The following SZT2 variants were observed in gnomAD, a reference collection of about 807,000 sequenced individuals.
SZT2 encodes the protein SZT2 subunit of KICSTOR complex.
Under a neutral mutation model 404.2 loss-of-function variants are expected in SZT2, and 216 were observed. The observed-to-expected ratio is 0.53, with a 90% CI of 0.48 to 0.60. The LOEUF is 0.60. Ranked by LOEUF, SZT2 falls within the 20% of genes least tolerant of loss-of-function variation. The pLI is 0.00. For missense variants in SZT2, 3,857 were observed against 4,459.2 expected (o/e 0.86, Z 3.85); for synonymous variants, 1,693 against 1,749.9 (o/e 0.97, Z 0.81).
chr1:43,404,157 G>A, intron 3 of SZT2: 1 of 547,550 alleles, frequency 1.8e-6, no homozygotes, highest in South Asian at 2.6e-5. Flanking sequence ...CAGTGAGCCG[G>A]GATCAGGCCA....
At position 43,404,449 on chromosome 1, in the gene SZT2, C is replaced by T; in HGVS notation, c.397C>T (p.Leu133Phe). The change falls in exon 4 of 72, where the codon CTT becomes TTT. Residue 133 changes from leucine to phenylalanine, a missense_variant. This residue lies in a region of SZT2 where 536 missense variants were observed against 637.4 expected (regional missense o/e 0.84). Coordinates refer to ENST00000634258, the MANE Select transcript of SZT2 (RefSeq NM_001365999.1). The stretch of plus-strand genomic sequence containing the variant: ...CCTGTCCCGCTGCTTAGGCGGGCTG[C>T]TTCGGCCCTTCCGAGTGCCTGGATC... ...HALSRCLGGL[L>F]RPFRVPGSCI... is the part of the protein sequence containing the mutation. The T allele has an allele frequency of 3.7e-6, 6 of 1,614,064 alleles. No homozygotes were observed. Among genetic ancestry groups the T allele is most frequent in the Non-Finnish European group, 5.1e-6 (6 of 1,180,018 alleles).
rs370930821 is a variant in SZT2, at chr1:43,422,038, G to C, written c.1627-45G>C. The C allele has an allele frequency of 6.4e-4, 988 of 1,554,330 alleles. 1 individual carries two copies. Among genetic ancestry groups the C allele is most frequent in the Admixed American group, 9.8e-4 (57 of 58,124 alleles). The stretch of plus-strand genomic sequence containing the variant: ...GTTTGCTCTTTGGAGTTTGTACCCT[G>C]GTCCTCTGCAAATGCTCCTATAGTG... On this transcript the variant is annotated intron_variant, in intron 11 of 71. Transcript: ENST00000634258.
Position 43,427,069 on chromosome 1 carries a change from C to T in SZT2, c.3323C>T (p.Pro1108Leu), listed in dbSNP as rs1272246942. 6.2e-7 allele frequency: 1 copy of T among 1,613,754 alleles called. No individual in the cohort carries two copies. Among genetic ancestry groups the T allele is most frequent in the Non-Finnish European group, 8.5e-7 (1 of 1,179,878 alleles). ...SAFTSLSVGLPETLKPLISAQ... is the reference protein window; with the variant it reads ...SAFTSLSVGLLETLKPLISAQ... ...TTTCTCTTACAGAGTGTAGGTCTTC[C>T]TGAAACTCTCAAGCCTCTCATCTCT... The change falls in exon 24 of 72, where the codon CCT becomes CTT. Residue 1108 changes from proline (P) to leucine (L), a missense_variant. Pro to Leu is a moderately conservative substitution (Grantham distance 98). Transcript: ENST00000634258.
Position 43,439,603 on chromosome 1 carries a change from AG to A in SZT2, c.6880del. ...TGAGCCTTCCTATGGATTTCTACCC[AG>A]GGGTTGCCTGCATCACTCTAGCCTT... On this transcript the variant is annotated splice_acceptor_variant, in intron 49 of 71. Coordinates refer to ENST00000634258, the MANE Select transcript of SZT2 (RefSeq NM_001365999.1). LOFTEE classifies it high-confidence loss of function. This position sits in a 1 kb window ranked among gnomAD's most constrained non-coding sequence, Gnocchi z 4.2. The A allele has an allele frequency of 6.2e-7, 1 of 1,613,894 alleles. No homozygotes were observed. Among genetic ancestry groups the A allele is most frequent in the Non-Finnish European group, 8.5e-7 (1 of 1,179,862 alleles).
chr1:43,453,626 C>A lies in SZT2; in HGVS notation c.*3146C>A. 1 of 1,496,174 alleles carries A rather than the reference C, an allele frequency of 6.7e-7. No homozygotes were observed. Among genetic ancestry groups the A allele is most frequent in the East Asian group, 2.8e-5 (1 of 35,790 alleles). 92.7% of individuals were successfully genotyped at this position (1,496,174 alleles called of 1,614,324 possible). A position where few individuals can be genotyped will look rare whatever the true frequency, so the allele number is the denominator to read the frequency against. ...GCGTGTTGATCAGTACAAGCCGCAG[C>A]CCCGCTTCTCGCGCGGCGCGCGCCA... is the stretch of plus-strand genomic sequence containing the variant. On this transcript the variant is annotated 3_prime_UTR_variant, in exon 72 of 72. Coordinates refer to ENST00000634258, the MANE Select transcript of SZT2 (RefSeq NM_001365999.1).
At chr1:43,406,966 AACAG>A (rs1440180480) in intron 4 of SZT2, 1 of 152,244 alleles carries the variant, frequency 6.6e-6, no homozygotes, top group Admixed American at 6.5e-5. Flanking sequence ...GAAAATTTTA[AACAG>A]ACAGTAACAG....
In SZT2 at chr1:43,448,403, G is replaced by C. The variant is rs761122370; in HGVS notation, c.9888G>C (p.Gly3296=). The change falls in exon 69 of 72, where the codon GGG becomes GGC. Residue 3296 remains glycine, a synonymous_variant. Coordinates refer to ENST00000634258, the MANE Select transcript of SZT2 (RefSeq NM_001365999.1). This position sits in a 1 kb window ranked among gnomAD's most constrained non-coding sequence, Gnocchi z 4.2. Reference sequence around the variant, plus strand: ...CGGGGCCTGATCGACTGCGGCTAGGGGGGCGCCTGGCCCTGGCAGAGCTGG... The same window carrying C: ...CGGGGCCTGATCGACTGCGGCTAGGCGGGCGCCTGGCCCTGGCAGAGCTGG... ...EPPGPDRLRL[G]GRLALAELEE... is the part of the protein sequence containing the mutation. 1 of 1,580,700 alleles carries C rather than the reference G, an allele frequency of 6.3e-7. No homozygotes were observed. The highest frequency in any genetic ancestry group is 1.1e-5 in the South Asian group (1 of 87,862).
In SZT2 at chr1:43,451,230, G is replaced by GAAC. The variant is rs774552663; in HGVS notation, c.*750_*751insAAC. ...CTGTCTGGAGGCACGTGGGTGGTGT[G>GAAC]CGGGCCCTCACTGGCCAGCCTCTGG... On this transcript the variant is annotated 3_prime_UTR_variant, in exon 72 of 72. Transcript: ENST00000634258. 3 of 1,613,638 alleles carry GAAC rather than the reference G, an allele frequency of 1.9e-6. No individual in the cohort carries two copies. Among genetic ancestry groups the GAAC allele is most frequent in the Non-Finnish European group, 2.5e-6 (3 of 1,179,790 alleles).
rs1252006518 is a variant in SZT2 at position 43,429,826 on chromosome 1, C to A, written c.4290C>A (p.Ala1430=). 11 of 1,614,034 alleles carry A rather than the reference C, an allele frequency of 6.8e-6. No homozygotes were observed. The highest frequency in any genetic ancestry group is 3.3e-4 in the Middle Eastern group (2 of 6,084). The change falls in exon 29 of 72, where the codon GCC becomes GCA. Residue 1430 remains alanine, a synonymous_variant. Transcript: ENST00000634258. ...VCQLRGEAHG[A]LHSVIQEKFL... ...AGCTCAGAGGAGAGGCCCATGGTGC[C>A]CTTCATAGCGTCATCCAGGTGGGAA...
chr1:43,425,795 A>G lies in SZT2; in HGVS notation c.2815-40A>G. 2 of 1,603,236 alleles carry G rather than the reference A, an allele frequency of 1.2e-6. No homozygotes were observed. Among genetic ancestry groups the G allele is most frequent in the Non-Finnish European group, 1.7e-6 (2 of 1,170,940 alleles). On this transcript the variant is annotated intron_variant, in intron 19 of 71. Transcript: ENST00000634258. The surrounding 1 kb of genome is among the most constrained non-coding windows in gnomAD (Gnocchi z 4.3). ...GCTGGAACCCAGGGTATCCTGGGCTAAGAGGGGTTGACTCCTGACCTCTGA... is the reference window on the plus strand; with the variant it reads ...GCTGGAACCCAGGGTATCCTGGGCTGAGAGGGGTTGACTCCTGACCTCTGA...
Position 43,452,424 on chromosome 1 carries a change from G to T in SZT2, c.*1944G>T. 1.1e-6 allele frequency: 1 copy of T among 883,760 alleles called. No homozygotes were observed. The highest frequency in any genetic ancestry group is 1.9e-6 in the Non-Finnish European group (1 of 537,122). The allele number at this position is 883,760 out of a possible 1,614,324, so 54.7% of individuals were successfully genotyped here. ...CCTCGTCCGTCTCCCCAGGTCTCCA[G>T]TCCATGGCACCTGGGTCACGATGCC... On this transcript the variant is annotated 3_prime_UTR_variant, in exon 72 of 72. Transcript: ENST00000634258.
At chr1:43,422,246 GC>G in intron 12 of SZT2, 21 bp downstream of exon 12, 1 of 1,561,548 alleles carries the variant, frequency 6.4e-7, no homozygotes, top group Non-Finnish European at 8.7e-7. Context: ...TTAGGGCTGG[GC>G]CATAGTTGGG....
rs1238341123 is a variant in SZT2 at position 43,453,498 on chromosome 1, C to G, written c.*3018C>G. ...CCCATTTCCCCCTTCTCTTGGTCTC[C>G]TGCAGAGAGAACGGGCCTCAGCCCC... On this transcript the variant is annotated 3_prime_UTR_variant, in exon 72 of 72. Coordinates refer to ENST00000634258, the MANE Select transcript of SZT2 (RefSeq NM_001365999.1). 4.5e-6 allele frequency: 7 copies of G among 1,550,674 alleles called. No homozygotes were observed. The South Asian group carries it at 8.3e-5, about 18-fold the overall frequency.
chr1:43,453,455 C>T lies in SZT2; in HGVS notation c.*2975C>T, dbSNP rs747888724. On this transcript the variant is annotated 3_prime_UTR_variant, in exon 72 of 72. Transcript: ENST00000634258. ...TCCCTCTCGGAAGGCCGCCTGTCTC[C>T]CGGGGACGGCCCCCAGCCCCATTTC... 4 of 1,563,692 alleles carry T rather than the reference C, an allele frequency of 2.6e-6. No homozygotes were observed. The highest frequency in any genetic ancestry group is 3.5e-6 in the Non-Finnish European group (4 of 1,153,002).
intron 29 of SZT2, 39 bp from the exon 30 acceptor site, chr1:43,429,972 G>T: frequency 6.2e-7 from 1 of 1,613,416 alleles, no homozygotes; most frequent in Non-Finnish European, 8.5e-7. Flanking sequence ...CTGTTGAGGG[G>T]TGACTGACAT....
intron 1 of SZT2, among the ~76,000 whole-genome samples, chr1:43,390,358 T>C (rs1181322142): frequency 6.6e-6 from 1 of 152,260 alleles, no homozygotes; most frequent in Non-Finnish European, 1.5e-5. Flanking sequence ...TGCATTTCTT[T>C]AGGCATTGGA....
In SZT2 at chr1:43,424,936, G is replaced by A; in HGVS notation, c.2550+74G>A. The stretch of plus-strand genomic sequence containing the variant: ...CCAGGGACACTCACCTCTGAGCTGG[G>A]TTGGGACTGCTGGAAACTGCCTCAC... On this transcript the variant is annotated intron_variant, in intron 17 of 71. Transcript: ENST00000634258. This position sits in a 1 kb window ranked among gnomAD's most constrained non-coding sequence, Gnocchi z 4.1. The A allele has an allele frequency of 6.4e-7, 1 of 1,553,600 alleles. No homozygotes were observed. Among genetic ancestry groups the A allele is most frequent in the East Asian group, 2.3e-5 (1 of 44,436 alleles).
In SZT2 at chr1:43,391,889, G is replaced by GA. The variant is rs1300665576; in HGVS notation, c.27+1894_27+1895insA. Reference sequence around the variant, plus strand: ...GAGGTCAGGAGATCGAGACCATCCTGGCTAAAACGGTGAAACCCTGTCTCT... The same window carrying GA: ...GAGGTCAGGAGATCGAGACCATCCTGAGCTAAAACGGTGAAACCCTGTCTCT... On this transcript the variant is annotated intron_variant, in intron 1 of 71. Transcript: ENST00000634258. 4.6e-3 allele frequency among the ~76,000 whole-genome samples: 107 copies of GA among 23,168 alleles called. 47 individuals are homozygous for GA. Among genetic ancestry groups the GA allele is most frequent in the East Asian group, 5.6e-3 (8 of 1,440 alleles). The allele number at this position is 23,168 out of a possible 152,430, so 15.2% of individuals were successfully genotyped here.
At chr1:43,446,579 A>G (rs2153936645) in intron 65 of SZT2, 163 bp downstream of exon 65, 3 of 813,324 alleles carry the variant, frequency 3.7e-6, no homozygotes, top group African/African-American at 1.7e-5. Flanking sequence ...TTCTGGTGCC[A>G]TGACTGCACT....
Sources: allele counts gnomAD v4.1 joint callset (sites outside exome capture counted in the v4.1 genomes callset), GRCh38; gene constraint gnomAD v4.1.1; regional missense constraint gnomAD v4.1.1; non-coding constraint Gnocchi (gnomAD v3.1); transcripts MANE v1.5; gene names NCBI Gene and HGNC (gene_info 2026-07-23, HGNC 2026-07-21).